BBS9: variants seen among roughly 807,000 people sequenced by gnomAD.
BBS9 encodes Bardet-Biedl syndrome 9.
Under a neutral mutation model 117.7 loss-of-function variants are expected in BBS9, and 89 were observed. That is an observed-to-expected ratio of 0.76 (90% CI 0.64 to 0.90). BBS9 has a LOEUF of 0.90. BBS9 is among the 40% of genes least tolerant of loss of function. The pLI is 0.00. For synonymous variants in BBS9, 379 were observed against 370.9 expected (o/e 1.02, Z -0.25); for missense variants, 982 against 1,042.2 (o/e 0.94, Z 0.80).
intron 19 of BBS9, among the ~76,000 whole-genome samples, chr7:33,461,532 C>G (rs1839468675): frequency 6.6e-6 from 1 of 151,702 alleles, no homozygotes; most frequent in Admixed American, 6.6e-5. Flanking sequence ...GTAAGACTCT[C>G]AGAAAAAGAT....
intron 5 of BBS9, among the ~76,000 whole-genome samples, chr7:33,254,233 T>C (rs965866409): frequency 1.3e-5 from 2 of 152,154 alleles, no homozygotes; most frequent in Non-Finnish European, 2.9e-5. Context: ...TTTACCACTT[T>C]CTTTTTTTCT....
intron 21 of BBS9, among the ~76,000 whole-genome samples, chr7:33,580,351 A>G (rs1859677346): frequency 6.6e-6 from 1 of 151,832 alleles, no homozygotes; most frequent in South Asian, 2.1e-4. Flanking sequence ...ATTGTTTTTC[A>G]GGGACAATGG....
chr7:33,527,518 C>T (rs979295301), intron 20 of BBS9, among the ~76,000 whole-genome samples: 10 of 152,128 alleles, frequency 6.6e-5, no homozygotes, highest in African/African-American at 1.4e-4. Context: ...TTTCCAGGTG[C>T]GTCCGTCACC....
intron 21 of BBS9, among the ~76,000 whole-genome samples, chr7:33,581,665 CA>C (rs534463138): frequency 2.6e-4 from 40 of 152,200 alleles, no homozygotes; most frequent in African/African-American, 9.1e-4. Flanking sequence ...AGTTTGGGTT[CA>C]AAAGCCTTGC....
Position 33,349,107 on chromosome 7 carries a change from T to C in BBS9, c.1369T>C (p.Leu457=). 1.9e-6 allele frequency: 3 copies of C among 1,613,384 alleles called. No individual in the cohort carries two copies. Among genetic ancestry groups the C allele is most frequent in the Non-Finnish European group, 2.5e-6 (3 of 1,179,466 alleles). ...CAGAGTGATATTGCAAAAAGCCAAA[T>C]TATCAGTCTACGTGCAACCACCATT... ...QNRVILQKAK[L]SVYVQPPLEL... Residue 457 remains leucine, a synonymous_variant, in exon 13 of 23, where the codon TTA becomes CTA. Transcript: ENST00000242067.
chr7:33,599,510 A>C (rs142093307), intron 21 of BBS9, among the ~76,000 whole-genome samples: 205 of 152,274 alleles, frequency 1.3e-3, no homozygotes, highest in African/African-American at 4.8e-3. Context: ...GGAAAAGTCA[A>C]ATTTTTACAG....
At chr7:33,577,752 G>A (rs992935516) in intron 21 of BBS9, among the ~76,000 whole-genome samples, 1 of 152,144 alleles carries the variant, frequency 6.6e-6, no homozygotes, top group African/African-American at 2.4e-5. Context: ...GTCCTTTGCA[G>A]GGACATGGAT....
Position 33,440,251 on chromosome 7 carries a change from G to A in BBS9, c.2115+52107G>A, listed in dbSNP as rs532525909. On this transcript the variant is annotated intron_variant, in intron 19 of 22. Transcript: ENST00000242067. ...TTGAAGGTGCATTGTAAGTTATAACGTACCATACAAATTTGAGATATTAGT... is the reference window on the plus strand; with the variant it reads ...TTGAAGGTGCATTGTAAGTTATAACATACCATACAAATTTGAGATATTAGT... Among the ~76,000 whole-genome samples the A allele has an allele frequency of 3.3e-5, 5 of 152,174 alleles. No individual in the cohort carries two copies. The South Asian group carries it at 6.2e-4, about 19-fold the overall frequency.
At chr7:33,328,211 C>G (rs148150504) in intron 9 of BBS9, among the ~76,000 whole-genome samples, 86 of 152,336 alleles carry the variant, frequency 5.6e-4, no homozygotes, top group Admixed American at 6.5e-4. Flanking sequence ...CTTCTGCATC[C>G]TCTGCCCTGT....
chr7:33,326,570 T>A (rs6944642), intron 9 of BBS9, among the ~76,000 whole-genome samples: 17,830 of 151,942 alleles, frequency 0.12, 1,263 homozygotes, highest in South Asian at 0.19. Flanking sequence ...CCCCATGGCC[T>A]TTGCAGTTGG....
At position 33,376,471 on chromosome 7, in the gene BBS9, C is replaced by T. The variant is rs536299110; in HGVS notation, c.1790-7195C>T. On this transcript the variant is annotated intron_variant, in intron 17 of 22. Transcript: ENST00000242067. ...ATGGACATTTAGGTTGATTCTTTGT[C>T]TTTGCTATTGTGAATAGTGCTACAA... Among the ~76,000 whole-genome samples, 31 of 152,218 alleles carry T rather than the reference C, an allele frequency of 2.0e-4. No individual in the cohort carries two copies. The South Asian group carries it at 4.1e-3, about 20-fold the overall frequency.
At chr7:33,590,715 A>G (rs1267063628) in intron 21 of BBS9, among the ~76,000 whole-genome samples, 4 of 151,982 alleles carry the variant, frequency 2.6e-5, no homozygotes, top group South Asian at 2.1e-4. Context: ...ATCATTTACT[A>G]TGAGTCAGGC....
intron 21 of BBS9, among the ~76,000 whole-genome samples, chr7:33,541,783 C>A (rs1271441879): frequency 1.3e-5 from 2 of 152,046 alleles, no homozygotes; most frequent in Non-Finnish European, 2.9e-5. Flanking sequence ...TTAGTGGTTG[C>A]CTAGGACTAG....
At chr7:33,487,048 A>C (rs775964641) in intron 19 of BBS9, among the ~76,000 whole-genome samples, 15 of 152,240 alleles carry the variant, frequency 9.9e-5, no homozygotes, top group Non-Finnish European at 1.6e-4. Flanking sequence ...TGCCAGTATG[A>C]AGGAAAGCAA....
At chr7:33,342,301 T>C (rs1816730634) in intron 11 of BBS9, among the ~76,000 whole-genome samples, 1 of 152,118 alleles carries the variant, frequency 6.6e-6, no homozygotes, top group Non-Finnish European at 1.5e-5. Context: ...CACACCATTT[T>C]TCATTCTACC....
rs371546756 is a variant in BBS9, at chr7:33,212,949, G to A, written c.442+35358G>A. On this transcript the variant is annotated intron_variant, in intron 5 of 22. Coordinates refer to ENST00000242067, the MANE Select transcript of BBS9 (RefSeq NM_198428.3). Reference sequence around the variant, plus strand: ...TGTGGCCACCAACACTGGGGACTGTGTTGGGTCAGCCCTGAAGCCAGTGTA... The same window carrying A: ...TGTGGCCACCAACACTGGGGACTGTATTGGGTCAGCCCTGAAGCCAGTGTA... Among the ~76,000 whole-genome samples the A allele has an allele frequency of 1.4e-4, 21 of 152,314 alleles. No homozygotes were observed. The East Asian group carries it at 1.5e-3, about 11-fold the overall frequency.
At chr7:33,566,949 G>C (rs1375821216) in intron 21 of BBS9, among the ~76,000 whole-genome samples, 1 of 152,114 alleles carries the variant, frequency 6.6e-6, no homozygotes, top group African/African-American at 2.4e-5. Context: ...GAGGAACTAA[G>C]TTTCCCCAGG....
At chr7:33,344,511 C>A in intron 11 of BBS9, 70 bp from the exon 12 acceptor site, 2 of 1,290,834 alleles carry the variant, frequency 1.5e-6, no homozygotes, top group South Asian at 1.2e-5. Context: ...ACATTGCACT[C>A]ATTGTGTTCA....
chr7:33,554,403 G>C (rs190186619), intron 21 of BBS9, among the ~76,000 whole-genome samples: 1 of 152,244 alleles, frequency 6.6e-6, no homozygotes, highest in Admixed American at 6.5e-5. Context: ...TGGGGTTATG[G>C]CAATGGAGAT....
Sources: gnomAD v4.1 joint callset for allele counts (sites outside exome capture counted in the v4.1 genomes callset) on GRCh38, gnomAD v4.1.1 for gene constraint, MANE v1.5 for transcripts, NCBI Gene and HGNC (gene_info 2026-07-23, HGNC 2026-07-21) for gene names.